Variants in GUCY1B1 observed in about 807,000 individuals in gnomAD.
GUCY1B1 encodes guanylate cyclase 1 soluble subunit beta 1.
Under a neutral mutation model 71.0 loss-of-function variants are expected in GUCY1B1, and 43 were observed. The observed-to-expected ratio is 0.61, with a 90% CI of 0.47 to 0.78. GUCY1B1 has a LOEUF of 0.78. GUCY1B1 is among the 30% of genes least tolerant of loss of function. The probability of loss-of-function intolerance (pLI) is 0.00; values close to 1 mark genes in which losing one functional copy is unlikely to be tolerated. For missense variants in GUCY1B1, 535 were observed against 754.1 expected, an observed-to-expected ratio of 0.71 and a Z score of 3.40; for synonymous variants, 266 against 259.7, an observed-to-expected ratio of 1.02 and a Z score of -0.23.
rs1453747169 is a variant in GUCY1B1 at position 155,789,902 on chromosome 4, A to G, written c.486A>G (p.Ile162Met). The change falls in exon 5 of 14, where the codon ATA becomes ATG. Residue 162 changes from isoleucine to methionine, a missense_variant. By Grantham distance (10) the Ile-to-Met change is conservative (BLOSUM62 1). Coordinates refer to ENST00000264424, the MANE Select transcript of GUCY1B1 (RefSeq NM_000857.5). ...TVAQQIHGTE[I>M]DMKVIQQRNE... ...CACAACAAATCCATGGCACTGAAAT[A>G]GACATGAAGGTAACAAACAGCAATG... is the stretch of plus-strand genomic sequence containing the variant. 6.2e-7 allele frequency: 1 copy of G among 1,604,550 alleles called. No homozygotes were observed. Among genetic ancestry groups the G allele is most frequent in the East Asian group, 2.2e-5 (1 of 44,842 alleles).
At chr4:155,759,967 C>T in intron 2 of GUCY1B1, 107 bp downstream of exon 2, 1 of 738,120 alleles carries the variant, frequency 1.4e-6, no homozygotes, top group African/African-American at 1.8e-5. Context: ...GGGCGCGCAT[C>T]CTTGGAGGTG....
chr4:155,760,146 C>T (rs1220152465), intron 2 of GUCY1B1, among the ~76,000 whole-genome samples: 2 of 152,130 alleles, frequency 1.3e-5, no homozygotes, highest in African/African-American at 4.8e-5. Flanking sequence ...AACGCGCTGC[C>T]GGCGCTCCCA....
rs1032249302 is a variant in GUCY1B1 at position 155,759,389 on chromosome 4, G to C, written c.3+246G>C. ...GCCGCTCCACACCGCAGCTTCCTGA[G>C]CTCGGGAAGGGGAGGTGCGGCGGAG... On this transcript the variant is annotated intron_variant, in intron 1 of 13. Coordinates refer to ENST00000264424, the MANE Select transcript of GUCY1B1 (RefSeq NM_000857.5). 2.6e-5 allele frequency: 14 copies of C among 546,492 alleles called. No homozygotes were observed. The African/African-American group carries it at 2.8e-4, about 11-fold the overall frequency. 33.9% of individuals were successfully genotyped at this position (546,492 alleles called of 1,614,324 possible).
At chr4:155,795,551 T>G in intron 7 of GUCY1B1, 94 bp downstream of exon 7, 1 of 630,604 alleles carries the variant, frequency 1.6e-6, no homozygotes, top group African/African-American at 1.9e-5. Context: ...TGAGAAAGTA[T>G]AGAGAGATAA....
chr4:155,773,991 A>T (rs1185034713), intron 2 of GUCY1B1, among the ~76,000 whole-genome samples: 1 of 152,048 alleles, frequency 6.6e-6, no homozygotes, highest in Non-Finnish European at 1.5e-5. Flanking sequence ...CCAGCCCACC[A>T]ACACTTCTTA....
At chr4:155,780,820 A>G (rs1352824028) in intron 4 of GUCY1B1, among the ~76,000 whole-genome samples, 2 of 152,170 alleles carry the variant, frequency 1.3e-5, no homozygotes, top group Admixed American at 6.5e-5. Flanking sequence ...TCAGGTGAAC[A>G]TCCTAAATTA....
chr4:155,771,593 T>A (rs1737697715), intron 2 of GUCY1B1, among the ~76,000 whole-genome samples: 1 of 152,088 alleles, frequency 6.6e-6, no homozygotes, highest in Non-Finnish European at 1.5e-5. Flanking sequence ...TCTGTCAGAG[T>A]CTCCAAAATT....
intron 9 of GUCY1B1, 77 bp downstream of exon 9, chr4:155,800,151 G>T: frequency 1.0e-6 from 1 of 956,036 alleles, no homozygotes; most frequent in Non-Finnish European, 1.5e-6. Flanking sequence ...TTGAGAACCA[G>T]ACTAAAAAGC....
At chr4:155,768,223 C>T (rs1410816739) in intron 2 of GUCY1B1, among the ~76,000 whole-genome samples, 2 of 152,114 alleles carry the variant, frequency 1.3e-5, no homozygotes, top group African/African-American at 4.8e-5. Flanking sequence ...ATATTCTTAA[C>T]TTACTCTAAA....
At chr4:155,791,275 C>T (rs1168724197) in intron 5 of GUCY1B1, among the ~76,000 whole-genome samples, 4 of 151,224 alleles carry the variant, frequency 2.6e-5, no homozygotes, top group Non-Finnish European at 5.9e-5. Context: ...CCACCACGCC[C>T]GGCTAATTTT....
At chr4:155,783,551 A>G (rs1364804755) in intron 4 of GUCY1B1, among the ~76,000 whole-genome samples, 1 of 152,136 alleles carries the variant, frequency 6.6e-6, no homozygotes, top group Non-Finnish European at 1.5e-5. Flanking sequence ...CATTCACTCA[A>G]CTCAGATATA....
chr4:155,762,206 G>T (rs529702018), intron 2 of GUCY1B1, among the ~76,000 whole-genome samples: 3 of 152,250 alleles, frequency 2.0e-5, no homozygotes, highest in Non-Finnish European at 4.4e-5. Flanking sequence ...ATTGAAAAAT[G>T]CTCCTTGGGT....
Position 155,802,544 on chromosome 4 carries a change from C to G in GUCY1B1, c.1378C>G (p.Leu460Val). Residue 460 changes from leucine (L) to valine (V), a missense_variant, in exon 10 of 14, where the codon CTG becomes GTG. By Grantham distance (32) the Leu-to-Val change is conservative. Transcript: ENST00000264424. The surrounding 1 kb of genome is among the most constrained non-coding windows in gnomAD (Gnocchi z 4.3). The stretch of plus-strand genomic sequence containing the variant: ...CGACCTCTACACCAGATTTGACACA[C>G]TGACTGATTCCCGGAAAAACCCATT... The part of the protein sequence containing the change: ...LNDLYTRFDT[L>V]TDSRKNPFVY... 1 of 1,610,298 alleles carries G rather than the reference C, an allele frequency of 6.2e-7. No homozygotes were observed. The highest frequency in any genetic ancestry group is 8.5e-7 in the Non-Finnish European group (1 of 1,178,092).
intron 6 of GUCY1B1, among the ~76,000 whole-genome samples, chr4:155,794,850 G>T (rs1579244447): frequency 6.6e-6 from 1 of 152,020 alleles, no homozygotes; most frequent in Non-Finnish European, 1.5e-5. Flanking sequence ...GTTTCTCTTT[G>T]TTCTGGCATG....
At chr4:155,772,484 G>A (rs1007539035) in intron 2 of GUCY1B1, 31 of 441,812 alleles carry the variant, frequency 7.0e-5, no homozygotes, top group African/African-American at 4.3e-4. Flanking sequence ...GCAAGATCAC[G>A]CCTCACTGAG....
chr4:155,765,285 T>C (rs541357885), intron 2 of GUCY1B1, among the ~76,000 whole-genome samples: 12 of 152,274 alleles, frequency 7.9e-5, no homozygotes, highest in African/African-American at 2.9e-4. Context: ...TAGTTATGGG[T>C]TGATGCTCTG....
chr4:155,806,319 AT>A (rs1740310001), intron 13 of GUCY1B1, 66 bp from the exon 14 acceptor site: 2 of 962,012 alleles, frequency 2.1e-6, no homozygotes, highest in East Asian at 5.1e-5. Context: ...AGAAAAATAT[AT>A]TTAATTGATA....
Position 155,802,154 on chromosome 4 carries a change from T to C in GUCY1B1, c.1176-188T>C, listed in dbSNP as rs1561033873. 7.4e-6 allele frequency: 10 copies of C among 1,346,018 alleles called. No homozygotes were observed. Among genetic ancestry groups the C allele is most frequent in the Non-Finnish European group, 9.9e-6 (10 of 1,013,224 alleles). The allele number at this position is 1,346,018 out of a possible 1,614,324, so 83.4% of individuals were successfully genotyped here. On this transcript the variant is annotated intron_variant, in intron 9 of 13. Coordinates refer to ENST00000264424, the MANE Select transcript of GUCY1B1 (RefSeq NM_000857.5). The surrounding 1 kb of genome is among the most constrained non-coding windows in gnomAD (Gnocchi z 4.3). ...TTATGTGATTAGGATGAACAAATAA[T>C]TTATGTTTTCTGTAAATCCTTGCTT...
intron 2 of GUCY1B1, among the ~76,000 whole-genome samples, chr4:155,771,702 A>G (rs4586880): frequency 0.67 from 101,313 of 152,086 alleles, 35,435 homozygotes; most frequent in African/African-American, 0.89. Flanking sequence ...CCCATTCCTA[A>G]GAATTTGTTC....
Sources: gnomAD v4.1 joint callset for allele counts (sites outside exome capture counted in the v4.1 genomes callset) on GRCh38, gnomAD v4.1.1 for gene constraint, Gnocchi (gnomAD v3.1) non-coding constraint, MANE v1.5 for transcripts, NCBI Gene and HGNC (gene_info 2026-07-23, HGNC 2026-07-21) for gene names.